Variants in TTC17 observed in about 807,000 individuals in gnomAD.
TTC17 encodes the protein tetratricopeptide repeat domain 17, also known as tetratricopeptide repeat protein 17.
Under a neutral mutation model 143.8 loss-of-function variants are expected in TTC17, and 58 were observed. That is an observed-to-expected ratio of 0.40 (90% CI 0.33 to 0.50). TTC17 has a LOEUF of 0.50. Ranked by LOEUF, TTC17 falls within the 20% of genes least tolerant of loss-of-function variation. TTC17 has a pLI of 0.49. For missense variants in TTC17, 1,273 were observed against 1,392.5 expected, an observed-to-expected ratio of 0.91 and a Z score of 1.37; for synonymous variants, 501 against 497.8, an observed-to-expected ratio of 1.01 and a Z score of -0.09.
intron 22 of TTC17, 73 bp from the exon 23 acceptor site, chr11:43,491,947 T>C: frequency 8.9e-6 from 14 of 1,578,664 alleles, no homozygotes; most frequent in Non-Finnish European, 1.2e-5. Flanking sequence ...CTGTATTCTT[T>C]ATGATCACCA....
Position 43,397,968 on chromosome 11 carries a change from C to G in TTC17, c.919-6C>G. Reference sequence around the variant, plus strand: ...TGTGTGTGTATGTTTGTTTTTGTCTCTTCAGATGCTTGGGGAATATAACCA... The same window carrying G: ...TGTGTGTGTATGTTTGTTTTTGTCTGTTCAGATGCTTGGGGAATATAACCA... On this transcript the variant is annotated splice_polypyrimidine_tract_variant and splice_region_variant and intron_variant, in intron 7 of 23. Transcript: ENST00000039989. 6.3e-7 allele frequency: 1 copy of G among 1,599,552 alleles called. No homozygotes were observed. The highest frequency in any genetic ancestry group is 8.5e-7 in the Non-Finnish European group (1 of 1,172,938).
intron 21 of TTC17, among the ~76,000 whole-genome samples, chr11:43,482,939 T>C (rs559455366): frequency 1.3e-5 from 2 of 152,112 alleles, no homozygotes; most frequent in South Asian, 4.2e-4. Context: ...AAACAAGTAG[T>C]AAAATAAACT....
chr11:43,493,764 C>G lies in TTC17; in HGVS notation c.3295-9C>G. ...CATCCCCTCACATTTCTCTCCTTGG[C>G]CCTCACAGGAAGAATTTGAAAAAGC... is the stretch of plus-strand genomic sequence containing the variant. On this transcript the variant is annotated splice_polypyrimidine_tract_variant and intron_variant, in intron 23 of 23. Transcript: ENST00000039989. The G allele has an allele frequency of 6.2e-7, 1 of 1,613,984 alleles. No individual in the cohort carries two copies.
intron 3 of TTC17, among the ~76,000 whole-genome samples, chr11:43,390,648 TA>T (rs1299647105): frequency 7.0e-6 from 1 of 142,260 alleles, no homozygotes; most frequent in Admixed American, 6.9e-5. Context: ...TAAATAAAAA[TA>T]AAAAAATAAA....
chr11:43,371,025 G>GA (rs1451969343), intron 1 of TTC17, among the ~76,000 whole-genome samples: 1 of 40,760 alleles, frequency 2.5e-5, no homozygotes, highest in Non-Finnish European at 6.9e-5. Flanking sequence ...AGGGGAGGTG[G>GA]GGGGGGGGGT....
chr11:43,433,429 C>G (rs1947206430), intron 16 of TTC17, among the ~76,000 whole-genome samples: 1 of 152,146 alleles, frequency 6.6e-6, no homozygotes, highest in South Asian at 2.1e-4. Context: ...ACCTCTTACT[C>G]TTTTTTTATT....
chr11:43,480,808 T>A (rs535327926), intron 21 of TTC17, among the ~76,000 whole-genome samples: 2 of 142,196 alleles, frequency 1.4e-5, no homozygotes, highest in East Asian at 4.1e-4. Context: ...ATTAAAAGAA[T>A]ACACAAATCT....
chr11:43,402,042 G>A (rs1292068919), intron 10 of TTC17, among the ~76,000 whole-genome samples: 3 of 151,728 alleles, frequency 2.0e-5, no homozygotes, highest in Non-Finnish European at 4.4e-5. Context: ...GAGCGAGAGA[G>A]AGATTTTGAT....
At chr11:43,478,093 G>A (rs1948218212) in intron 21 of TTC17, among the ~76,000 whole-genome samples, 2 of 152,026 alleles carry the variant, frequency 1.3e-5, no homozygotes, top group Admixed American at 6.6e-5. Flanking sequence ...GAAATAACAG[G>A]GAACAAAGGA....
intron 16 of TTC17, among the ~76,000 whole-genome samples, chr11:43,421,474 G>GT (rs373777792): frequency 9.1e-4 from 138 of 152,296 alleles, no homozygotes; most frequent in African/African-American, 3.2e-3. Context: ...CAGGAGGTGA[G>GT]TGGTGGGCCA....
intron 1 of TTC17, among the ~76,000 whole-genome samples, chr11:43,367,491 G>C (rs1407900274): frequency 6.6e-6 from 1 of 152,230 alleles, no homozygotes; most frequent in Non-Finnish European, 1.5e-5. Context: ...GGAGGGATTA[G>C]AACCAGCTGT....
chr11:43,458,147 G>T (rs1262369039), intron 21 of TTC17, among the ~76,000 whole-genome samples: 5 of 152,186 alleles, frequency 3.3e-5, no homozygotes, highest in African/African-American at 1.2e-4. Context: ...GCTGGGCTCA[G>T]CCGGGCACTT....
intron 16 of TTC17, among the ~76,000 whole-genome samples, chr11:43,441,545 G>A (rs1309877922): frequency 6.6e-6 from 1 of 152,038 alleles, no homozygotes; most frequent in Non-Finnish European, 1.5e-5. Flanking sequence ...AGCTTACAGA[G>A]ATAGACATAT....
intron 21 of TTC17, among the ~76,000 whole-genome samples, chr11:43,465,582 A>G (rs1947955504): frequency 6.6e-6 from 1 of 151,456 alleles, no homozygotes; most frequent in African/African-American, 2.4e-5. Context: ...TAAGAACTCA[A>G]TTGATGGGTA....
intron 10 of TTC17, among the ~76,000 whole-genome samples, chr11:43,402,803 TAGAGA>T (rs1206174081): frequency 6.6e-6 from 1 of 152,210 alleles, no homozygotes; most frequent in Non-Finnish European, 1.5e-5. Context: ...TATTCTATCT[TAGAGA>T]AAACTCATCA....
chr11:43,411,468 A>G (rs1385181537), intron 15 of TTC17, among the ~76,000 whole-genome samples: 1 of 146,320 alleles, frequency 6.8e-6, no homozygotes, highest in Non-Finnish European at 1.5e-5. Flanking sequence ...TCTTCCTTCT[A>G]TATTTTTCTC....
intron 21 of TTC17, among the ~76,000 whole-genome samples, chr11:43,474,164 A>ATCCACACAGTGGAGGCT (rs761807456): frequency 2.0e-5 from 3 of 152,214 alleles, no homozygotes; most frequent in East Asian, 3.8e-4. Context: ...ATGTGTGAAC[A>ATCCACACAGTGGAGGCT]TCCACACAGT....
At chr11:43,430,869 G>T (rs541872192) in intron 16 of TTC17, among the ~76,000 whole-genome samples, 1 of 152,012 alleles carries the variant, frequency 6.6e-6, no homozygotes, top group East Asian at 1.9e-4. Flanking sequence ...CATGTGCAAC[G>T]GTGGTTTGCT....
chr11:43,362,742 T>G (rs913619410), intron 1 of TTC17, among the ~76,000 whole-genome samples: 3 of 152,206 alleles, frequency 2.0e-5, no homozygotes, highest in Admixed American at 6.5e-5. Context: ...TACAGGCTTG[T>G]GCCACCATGC....
Sources: allele counts gnomAD v4.1 joint callset (sites outside exome capture counted in the v4.1 genomes callset), GRCh38; gene constraint gnomAD v4.1.1; transcripts MANE v1.5; gene names NCBI Gene and HGNC (gene_info 2026-07-23, HGNC 2026-07-21).